The following ARIH2 variants were observed in gnomAD, a reference collection of about 807,000 sequenced individuals.
The protein encoded by ARIH2 is ariadne RBR E3 ubiquitin protein ligase 2.
ARIH2 carries 12 observed loss-of-function variants against 79.8 expected under a neutral mutation model. The observed-to-expected ratio is 0.15, with a 90% CI of 0.10 to 0.24. The LOEUF (loss-of-function observed/expected upper bound fraction) is 0.24. Among genes scored for constraint, ARIH2 ranks in the 10% least tolerant of loss-of-function variants. The probability of loss-of-function intolerance (pLI) is 1.00; values close to 1 mark genes in which losing one functional copy is unlikely to be tolerated. For synonymous variants in ARIH2, 224 were observed against 213.9 expected, an observed-to-expected ratio of 1.05 and a Z score of -0.41; for missense variants, 301 against 618.3, an observed-to-expected ratio of 0.49 and a Z score of 5.44.
At chr3:48,928,441 A>C (rs1447251066) in intron 3 of ARIH2, among the ~76,000 whole-genome samples, 1 of 152,164 alleles carries the variant, frequency 6.6e-6, no homozygotes, top group Non-Finnish European at 1.5e-5. Flanking sequence ...ACCTTAGGCC[A>C]GTTATTATCC....
At chr3:48,977,266 A>G (rs1559857982) in intron 11 of ARIH2, among the ~76,000 whole-genome samples, 2 of 151,990 alleles carry the variant, frequency 1.3e-5, no homozygotes. Context: ...TACCACCTAT[A>G]TGGGCAACCG....
chr3:48,959,511 G>A (rs1000878131), intron 3 of ARIH2, among the ~76,000 whole-genome samples: 1 of 151,312 alleles, frequency 6.6e-6, no homozygotes, highest in Non-Finnish European at 1.5e-5. Flanking sequence ...TAGGCCTAGA[G>A]TCTATGTGGG....
At chr3:48,981,016 CA>C (rs34533467) in intron 13 of ARIH2, among the ~76,000 whole-genome samples, 37 of 30,138 alleles carry the variant, frequency 1.2e-3, no homozygotes, top group Admixed American at 4.5e-3. Context: ...GCAAGACTGT[CA>C]AAAAAAAAAA....
chr3:48,981,435 A>G (rs2092749079), intron 13 of ARIH2, among the ~76,000 whole-genome samples: 1 of 152,092 alleles, frequency 6.6e-6, no homozygotes, highest in African/African-American at 2.4e-5. Context: ...GCTGATAATC[A>G]GTTTGTAAAA....
intron 14 of ARIH2, 36 bp downstream of exon 14, chr3:48,981,764 G>T (rs1414817217): frequency 1.3e-6 from 2 of 1,560,408 alleles, no homozygotes; most frequent in South Asian, 2.2e-5. Flanking sequence ...TGTCCCGTTA[G>T]CCTCAAAGGT....
At chr3:48,975,102 C>T (rs2092429721) in intron 11 of ARIH2, 123 bp downstream of exon 11, 2 of 1,524,722 alleles carry the variant, frequency 1.3e-6, no homozygotes. Flanking sequence ...AGTCACTTAA[C>T]AGTCACAGTA....
At chr3:48,928,525 G>A (rs2106939349) in intron 3 of ARIH2, among the ~76,000 whole-genome samples, 1 of 152,144 alleles carries the variant, frequency 6.6e-6, no homozygotes, top group Non-Finnish European at 1.5e-5. Context: ...GGCCATTATG[G>A]GAAATTGGAA....
chr3:48,944,654 CTT>C (rs1219286153), intron 3 of ARIH2, among the ~76,000 whole-genome samples: 3 of 152,126 alleles, frequency 2.0e-5, no homozygotes, highest in Non-Finnish European at 4.4e-5. Flanking sequence ...AATCCTACCA[CTT>C]AAATTAGATT....
intron 3 of ARIH2, among the ~76,000 whole-genome samples, chr3:48,947,561 G>A (rs2089364336): frequency 6.6e-6 from 1 of 152,038 alleles, no homozygotes; most frequent in Non-Finnish European, 1.5e-5. Flanking sequence ...AGTGTATACA[G>A]TCAGTTAACC....
chr3:48,928,136 A>G (rs1021935853), intron 3 of ARIH2, among the ~76,000 whole-genome samples: 3 of 152,196 alleles, frequency 2.0e-5, no homozygotes, highest in African/African-American at 7.2e-5. Context: ...TCAGAATTTT[A>G]TGAGGTTGAT....
At chr3:48,958,682 C>T (rs1395960317) in intron 3 of ARIH2, among the ~76,000 whole-genome samples, 2 of 151,610 alleles carry the variant, frequency 1.3e-5, no homozygotes, top group Non-Finnish European at 2.9e-5. Flanking sequence ...GCACTCCAGC[C>T]AGGGCAACAG....
rs781457710 is a variant in ARIH2 at position 48,982,878 on chromosome 3, C to T, written c.1327-18C>T. 3.7e-6 allele frequency: 6 copies of T among 1,612,030 alleles called. No homozygotes were observed. The African/African-American group carries it at 4.0e-5, about 11-fold the overall frequency. On this transcript the variant is annotated intron_variant, in intron 14 of 15. Transcript: ENST00000356401. Reference sequence around the variant, plus strand: ...CACAGCCCACTCACCTTTTGACCCTCCTGCTCTGCCTATACAGTTTGAATA... The same window carrying T: ...CACAGCCCACTCACCTTTTGACCCTTCTGCTCTGCCTATACAGTTTGAATA...
intron 9 of ARIH2, chr3:48,974,564 T>C (rs2092407749): frequency 1.8e-6 from 1 of 560,654 alleles, no homozygotes; most frequent in Admixed American, 3.1e-5. Flanking sequence ...AGTAGCTTCA[T>C]GGCAGGGGCA....
chr3:48,952,786 G>A (rs1313460878), intron 3 of ARIH2, among the ~76,000 whole-genome samples: 1 of 152,150 alleles, frequency 6.6e-6, no homozygotes. Flanking sequence ...AGATCAAGAG[G>A]GGGTCATTAA....
chr3:48,922,987 C>T (rs968589060), intron 2 of ARIH2, among the ~76,000 whole-genome samples, 176 bp downstream of exon 2: 6 of 152,088 alleles, frequency 3.9e-5, no homozygotes, highest in Admixed American at 6.6e-5. Context: ...GTGGGCGGAT[C>T]ACGAGGTCAG....
intron 1 of ARIH2, 55 bp downstream of exon 1, chr3:48,919,053 G>T (rs909582709): frequency 7.5e-7 from 1 of 1,325,862 alleles, no homozygotes; most frequent in Non-Finnish European, 9.6e-7. Context: ...CGCTGGGGGG[G>T]CCTCTCCGCG....
intron 3 of ARIH2, among the ~76,000 whole-genome samples, chr3:48,955,415 A>G (rs1294435289): frequency 6.6e-6 from 1 of 151,896 alleles, no homozygotes; most frequent in Non-Finnish European, 1.5e-5. Flanking sequence ...TTTCTTTATA[A>G]GTTGTCTTGA....
At chr3:48,972,667 G>A (rs2092301936) in intron 8 of ARIH2, among the ~76,000 whole-genome samples, 1 of 151,994 alleles carries the variant, frequency 6.6e-6, no homozygotes, top group South Asian at 2.1e-4. Flanking sequence ...GTAGAGACAG[G>A]GTCTTCCTAT....
rs1300046967 is a variant in ARIH2, at chr3:48,927,819, C to T, written c.255+6C>T. ...GCTTAGCTTCTGTCCTAAAGGTGAG[C>T]AGTGTTGTAAACTCCAGTGTAATCC... On this transcript the variant is annotated splice_donor_region_variant and intron_variant, in intron 3 of 15. Transcript: ENST00000356401. The T allele has an allele frequency of 6.2e-7, 1 of 1,613,758 alleles. No individual in the cohort carries two copies. The highest frequency in any genetic ancestry group is 8.5e-7 in the Non-Finnish European group (1 of 1,179,794).
Sources: allele counts gnomAD v4.1 joint callset (sites outside exome capture counted in the v4.1 genomes callset), GRCh38; gene constraint gnomAD v4.1.1; transcripts MANE v1.5; gene names NCBI Gene and HGNC (gene_info 2026-07-23, HGNC 2026-07-21).